ARPP21: variants seen among roughly 807,000 people sequenced by gnomAD.
ARPP21 encodes cAMP-regulated phosphoprotein 21.
ARPP21 carries 69 observed loss-of-function variants against 113.2 expected under a neutral mutation model. The ratio of observed to expected loss-of-function variants is 0.61; its 90% confidence interval spans 0.50 to 0.74. The LOEUF is 0.74. Ranked by LOEUF, ARPP21 falls within the 30% of genes least tolerant of loss-of-function variation. ARPP21 has a pLI of 0.00. For synonymous variants in ARPP21, 368 were observed against 375.5 expected, an observed-to-expected ratio of 0.98 and a Z score of 0.23; for missense variants, 1,070 against 1,037.4, an observed-to-expected ratio of 1.03 and a Z score of -0.43.
chr3:35,793,816 G>C lies in ARPP21; in HGVS notation c.2402G>C (p.Cys801Ser), dbSNP rs1190427731. The change falls in exon 21 of 21, where the codon TGT becomes TCT. Residue 801 changes from cysteine to serine, a missense_variant. By Grantham distance (112) the Cys-to-Ser change is moderately radical (BLOSUM62 -1). Coordinates refer to ENST00000684406, the MANE Select transcript of ARPP21 (RefSeq NM_001385562.1). The part of the protein sequence containing the change: ...SLPATGMPVY[C>S]NVTPPTPQNN... ...CCAGCCACTGGAATGCCTGTTTACT[G>C]TAATGTCACACCGCCCACCCCTCAG... 1 of 1,614,146 alleles carries C rather than the reference G, an allele frequency of 6.2e-7. No homozygotes were observed. The highest frequency in any genetic ancestry group is 8.5e-7 in the Non-Finnish European group (1 of 1,180,022).
intron 19 of ARPP21, chr3:35,781,415 AG>A (rs918503141): frequency 2.0e-5 from 3 of 152,228 alleles, no homozygotes; most frequent in Admixed American, 1.3e-4. Context: ...AAGAGTCTTC[AG>A]GACAGGCATT....
rs917441626 is a variant in ARPP21 at position 35,737,455 on chromosome 3, A to G, written c.1644+93A>G. On this transcript the variant is annotated intron_variant, in intron 16 of 20. Transcript: ENST00000684406. ...AGCAGAGAATCAGGGAGAAGCGTATATTTTACACTCAAGCCTCACAAATAA... is the reference window on the plus strand; with the variant it reads ...AGCAGAGAATCAGGGAGAAGCGTATGTTTTACACTCAAGCCTCACAAATAA... 2.0e-5 allele frequency: 16 copies of G among 791,076 alleles called. No homozygotes were observed. The African/African-American group carries it at 2.3e-4, about 11-fold the overall frequency. The allele number at this position is 791,076 out of a possible 1,614,324, so 49.0% of individuals were successfully genotyped here. A position where few individuals can be genotyped will look rare whatever the true frequency, so the allele number is the denominator to read the frequency against.
chr3:35,722,844 A>T (rs946372171), intron 14 of ARPP21, among the ~76,000 whole-genome samples: 1 of 152,116 alleles, frequency 6.6e-6, no homozygotes, highest in Non-Finnish European at 1.5e-5. Flanking sequence ...ATTATTCACT[A>T]TTGTTTTTGA....
At chr3:35,647,982 T>C (rs1158924988) in intron 1 of ARPP21, among the ~76,000 whole-genome samples, 1 of 152,180 alleles carries the variant, frequency 6.6e-6, no homozygotes, top group Non-Finnish European at 1.5e-5. Context: ...CAGAAAGAGA[T>C]TTACTTTTCT....
Position 35,710,131 on chromosome 3 carries a change from C to T in ARPP21, c.897+1061C>T, listed in dbSNP as rs958859882. 1.9e-4 allele frequency among the ~76,000 whole-genome samples: 29 copies of T among 152,092 alleles called. 1 individual carries two copies. Among genetic ancestry groups the T allele is most frequent in the Non-Finnish European group, 5.9e-5 (4 of 68,040 alleles). On this transcript the variant is annotated intron_variant, in intron 11 of 20. Coordinates refer to ENST00000684406, the MANE Select transcript of ARPP21 (RefSeq NM_001385562.1). ...ATCCCGCCCCCTACAACCCCCGCCA[C>T]CTTTCTTGAACACACTGAAATAGAA...
intron 15 of ARPP21, among the ~76,000 whole-genome samples, chr3:35,730,816 A>G (rs1049090897): frequency 6.6e-6 from 1 of 152,232 alleles, no homozygotes; most frequent in African/African-American, 2.4e-5. Context: ...TTCATAAAAC[A>G]TATGGCACAT....
intron 1 of ARPP21, among the ~76,000 whole-genome samples, chr3:35,678,236 C>T (rs2078012808): frequency 6.6e-6 from 1 of 151,868 alleles, no homozygotes; most frequent in Non-Finnish European, 1.5e-5. Context: ...GCTGAGTGAA[C>T]TGTACAAATA....
At chr3:35,687,661 T>G in intron 5 of ARPP21, 78 bp from the exon 6 acceptor site, 1 of 1,370,066 alleles carries the variant, frequency 7.3e-7, no homozygotes, top group Non-Finnish European at 1.0e-6. Context: ...TTCTATACTT[T>G]ATAACCTCTA....
chr3:35,736,864 G>A (rs1274865013), intron 15 of ARPP21, among the ~76,000 whole-genome samples: 1 of 152,186 alleles, frequency 6.6e-6, no homozygotes, highest in Non-Finnish European at 1.5e-5. Flanking sequence ...ATCTAGCTTT[G>A]TGAAGATTGC....
intron 19 of ARPP21, among the ~76,000 whole-genome samples, chr3:35,753,951 A>G (rs1037209021): frequency 4.7e-5 from 7 of 149,572 alleles, no homozygotes; most frequent in South Asian, 2.1e-4. Flanking sequence ...GTAATTGTCA[A>G]TGTAATTGAG....
intron 15 of ARPP21, among the ~76,000 whole-genome samples, chr3:35,735,171 G>A (rs1185562323): frequency 2.0e-5 from 3 of 152,148 alleles, no homozygotes; most frequent in African/African-American, 7.2e-5. Flanking sequence ...CCAGGCTGGA[G>A]TGCAGTGGCA....
At chr3:35,675,201 C>CTTTTTTTTTTTTTTTTTTTTTTTT (rs1559570072) in intron 1 of ARPP21, among the ~76,000 whole-genome samples, 7 of 151,414 alleles carry the variant, frequency 4.6e-5, no homozygotes, top group African/African-American at 1.5e-4. Context: ...CACCACCTTT[C>CTTTTTTTTTTTTTTTTTTTTTTTT]ATGTGGGTAA....
intron 2 of ARPP21, chr3:35,681,501 A>G: frequency 2.4e-6 from 1 of 414,538 alleles, no homozygotes; most frequent in Non-Finnish European, 4.4e-6. Flanking sequence ...AGGTGTATTC[A>G]CAAGTGTGTG....
rs761109160 is a variant in ARPP21 at position 35,743,840 on chromosome 3, T to A, written c.2012T>A (p.Met671Lys). 195 of 1,613,706 alleles carry A rather than the reference T, an allele frequency of 1.2e-4. No individual in the cohort carries two copies. Among genetic ancestry groups the A allele is most frequent in the Non-Finnish European group, 1.6e-4 (186 of 1,179,740 alleles). The change falls in exon 19 of 21, where the codon ATG becomes AAG. Residue 671 changes from methionine (M) to lysine (K), a missense_variant and splice_region_variant. Coordinates refer to ENST00000684406, the MANE Select transcript of ARPP21 (RefSeq NM_001385562.1). ...CTTTCTTCCTCCTTTCTTCCACAGA[T>A]GCCTGTATATTATTACCCATCTGGT... ...GFVQQPPPAQ[M>K]PVYYYPSGQY... is the part of the protein sequence containing the mutation.
At chr3:35,739,206 C>A in intron 17 of ARPP21, 111 bp from the exon 18 acceptor site, 5 of 1,274,580 alleles carry the variant, frequency 3.9e-6, no homozygotes, top group Non-Finnish European at 5.5e-6. Context: ...CCAAATTGTA[C>A]TTCCTGTCTC....
At chr3:35,703,129 A>G (rs1336179787) in intron 9 of ARPP21, among the ~76,000 whole-genome samples, 2 of 151,902 alleles carry the variant, frequency 1.3e-5, no homozygotes, top group African/African-American at 4.8e-5. Flanking sequence ...TTTGGAAAAT[A>G]AGGGAAGGAT....
At chr3:35,793,620 ATTT>A in intron 20 of ARPP21, 78 bp from the exon 21 acceptor site, 2 of 955,524 alleles carry the variant, frequency 2.1e-6, no homozygotes, top group East Asian at 4.8e-5. Context: ...AAGTTTGAAT[ATTT>A]TTCATGACAC....
At chr3:35,732,882 T>G (rs746739357) in intron 15 of ARPP21, among the ~76,000 whole-genome samples, 1 of 151,582 alleles carries the variant, frequency 6.6e-6, no homozygotes, top group East Asian at 1.9e-4. Flanking sequence ...TGCTTACACT[T>G]TTTTTTTATT....
intron 5 of ARPP21, among the ~76,000 whole-genome samples, chr3:35,687,248 A>G (rs143526341): frequency 1.1e-3 from 174 of 151,362 alleles, no homozygotes; most frequent in Non-Finnish European, 1.8e-3. Flanking sequence ...TGAGTTTTTA[A>G]TTGTAAATTC....
Sources: gnomAD v4.1 joint callset for allele counts (sites outside exome capture counted in the v4.1 genomes callset) on GRCh38, gnomAD v4.1.1 for gene constraint, MANE v1.5 for transcripts, NCBI Gene and HGNC (gene_info 2026-07-23, HGNC 2026-07-21) for gene names.